Variants in SYN3 observed in about 807,000 individuals in gnomAD.
The protein encoded by SYN3 is synapsin III.
SYN3 carries 35 observed loss-of-function variants against 65.8 expected under a neutral mutation model. That is an observed-to-expected ratio of 0.53 (90% CI 0.41 to 0.70). The LOEUF (loss-of-function observed/expected upper bound fraction) is 0.70. Ranked by LOEUF, SYN3 falls within the 30% of genes least tolerant of loss-of-function variation. The probability of loss-of-function intolerance (pLI) is 0.00; values close to 1 mark genes in which losing one functional copy is unlikely to be tolerated. For synonymous variants in SYN3, 270 were observed against 292.9 expected (o/e 0.92, Z 0.80); for missense variants, 680 against 749.0 (o/e 0.91, Z 1.08).
chr22:32,958,315 C>T (rs1440119415), intron 3 of SYN3, among the ~76,000 whole-genome samples: 4 of 152,290 alleles, frequency 2.6e-5, no homozygotes, highest in African/African-American at 7.2e-5. Flanking sequence ...TAAGTGTGTC[C>T]GGAATGGCCT....
intron 6 of SYN3, among the ~76,000 whole-genome samples, chr22:32,833,661 A>G (rs1017422298): frequency 6.6e-6 from 1 of 152,208 alleles, no homozygotes; most frequent in African/African-American, 2.4e-5. Context: ...GATGAGAAGT[A>G]GGGGCTCCCA....
At chr22:32,858,486 A>G (rs1199897877) in intron 6 of SYN3, among the ~76,000 whole-genome samples, 2 of 152,118 alleles carry the variant, frequency 1.3e-5, no homozygotes, top group African/African-American at 2.4e-5. Context: ...AGTGGTTTCA[A>G]GTGGGCTCAC....
chr22:32,585,235 A>G (rs1424699943), intron 7 of SYN3, among the ~76,000 whole-genome samples: 1 of 152,180 alleles, frequency 6.6e-6, no homozygotes, highest in Non-Finnish European at 1.5e-5. Context: ...GCTCTGAGCT[A>G]TCCCAGAGAA....
chr22:32,836,582 A>G (rs1225072423), intron 6 of SYN3, among the ~76,000 whole-genome samples: 2 of 152,180 alleles, frequency 1.3e-5, no homozygotes, highest in Non-Finnish European at 2.9e-5. Flanking sequence ...GATTCCTGAT[A>G]ATGGTCTTAG....
intron 3 of SYN3, among the ~76,000 whole-genome samples, chr22:32,968,498 A>G (rs1161252551): frequency 6.6e-6 from 1 of 152,168 alleles, no homozygotes; most frequent in Non-Finnish European, 1.5e-5. Context: ...TCTAGGACAC[A>G]ATTCTTAGTT....
chr22:32,781,467 C>T (rs946773038), intron 6 of SYN3, among the ~76,000 whole-genome samples: 1 of 152,088 alleles, frequency 6.6e-6, no homozygotes, highest in East Asian at 1.9e-4. Flanking sequence ...AGTTACCTAA[C>T]CTCTCTGGGT....
intron 4 of SYN3, among the ~76,000 whole-genome samples, chr22:32,907,820 G>A (rs1028539789): frequency 3.3e-5 from 5 of 152,226 alleles, no homozygotes; most frequent in Middle Eastern, 3.4e-3. Flanking sequence ...TATCATTACA[G>A]GGTAACATAC....
At chr22:32,750,029 A>G (rs1602054151) in intron 6 of SYN3, among the ~76,000 whole-genome samples, 1 of 152,320 alleles carries the variant, frequency 6.6e-6, no homozygotes, top group East Asian at 1.9e-4. Context: ...CAAGAGTGGT[A>G]TCTTTTACAA....
At chr22:32,530,923 T>G (rs2058058639) in intron 10 of SYN3, among the ~76,000 whole-genome samples, 1 of 151,746 alleles carries the variant, frequency 6.6e-6, no homozygotes. Context: ...GGAGAATCGC[T>G]TGAACCTGGG....
At chr22:32,596,847 C>G in intron 6 of SYN3, 111 bp from the exon 7 acceptor site, 1 of 1,116,646 alleles carries the variant, frequency 9.0e-7, no homozygotes, top group Non-Finnish European at 1.3e-6. Flanking sequence ...GTCGGGAATC[C>G]CCACAAGAAT....
intron 6 of SYN3, among the ~76,000 whole-genome samples, chr22:32,667,599 C>G (rs922491322): frequency 6.6e-6 from 1 of 152,064 alleles, no homozygotes; most frequent in Non-Finnish European, 1.5e-5. Context: ...TTTTTATTTG[C>G]TAAATTGCTG....
At chr22:32,683,051 T>C (rs1031832225) in intron 6 of SYN3, among the ~76,000 whole-genome samples, 7 of 152,114 alleles carry the variant, frequency 4.6e-5, no homozygotes, top group African/African-American at 1.7e-4. Context: ...AACTGGAAGG[T>C]CATCCATGCA....
chr22:32,550,340 G>A (rs376735018), intron 7 of SYN3, among the ~76,000 whole-genome samples: 8 of 142,602 alleles, frequency 5.6e-5, no homozygotes, highest in African/African-American at 2.1e-4. Context: ...CATGGTAGAT[G>A]TTCTATAATT....
chr22:32,807,449 T>G (rs2046795984), intron 6 of SYN3, among the ~76,000 whole-genome samples: 1 of 137,582 alleles, frequency 7.3e-6, no homozygotes, highest in African/African-American at 2.7e-5. Flanking sequence ...TATATTTCTT[T>G]TATGTATTTC....
chr22:32,525,625 G>T (rs541632019), intron 12 of SYN3, among the ~76,000 whole-genome samples: 1 of 150,912 alleles, frequency 6.6e-6, no homozygotes, highest in African/African-American at 2.5e-5. Context: ...CAGGAGAATG[G>T]CATGAACCCG....
intron 6 of SYN3, among the ~76,000 whole-genome samples, chr22:32,702,250 G>T (rs547241279): frequency 5.3e-5 from 8 of 152,326 alleles, no homozygotes; most frequent in Non-Finnish European, 1.2e-4. Flanking sequence ...GGCTGAGGCG[G>T]GTGGATCACG....
Position 32,658,975 on chromosome 22 carries a change from G to A in SYN3, c.712-62239C>T, listed in dbSNP as rs1027857990. On this transcript the variant is annotated intron_variant, in intron 6 of 13. Transcript: ENST00000358763. Reference sequence around the variant, plus strand: ...ATACTGAACTCAAATCCATTCTCACGACAGCCCAGTCTGGTAGATGCTAGC... The same window carrying A: ...ATACTGAACTCAAATCCATTCTCACAACAGCCCAGTCTGGTAGATGCTAGC... Among the ~76,000 whole-genome samples the A allele has an allele frequency of 1.3e-5, 2 of 152,288 alleles. 1 individual carries two copies. Among genetic ancestry groups the A allele is most frequent in the South Asian group, 4.2e-4 (2 of 4,816 alleles).
chr22:32,602,978 CTTT>C (rs71184599), intron 6 of SYN3, among the ~76,000 whole-genome samples: 1 of 143,344 alleles, frequency 7.0e-6, no homozygotes, highest in African/African-American at 2.6e-5. Context: ...TGGAGACATT[CTTT>C]TTTTTTTTTT....
At chr22:32,788,449 G>T (rs979017725) in intron 6 of SYN3, among the ~76,000 whole-genome samples, 1 of 152,040 alleles carries the variant, frequency 6.6e-6, no homozygotes, top group African/African-American at 2.4e-5. Flanking sequence ...GCTGAGGCAG[G>T]AGAATCGCTT....
Sources: gnomAD v4.1 joint callset for allele counts (sites outside exome capture counted in the v4.1 genomes callset) on GRCh38, gnomAD v4.1.1 for gene constraint, MANE v1.5 for transcripts, NCBI Gene and HGNC (gene_info 2026-07-23, HGNC 2026-07-21) for gene names.